The following TMEM39A variants were observed in gnomAD, a reference collection of about 807,000 sequenced individuals.
The protein encoded by TMEM39A is suppressor of SQST-1 aggregates in rpl-43 mutants.
TMEM39A carries 19 observed loss-of-function variants against 51.9 expected under a neutral mutation model. That is an observed-to-expected ratio of 0.37 (90% CI 0.26 to 0.54). The LOEUF (loss-of-function observed/expected upper bound fraction) is 0.54. Among genes scored for constraint, TMEM39A ranks in the 20% least tolerant of loss-of-function variants. The probability of loss-of-function intolerance (pLI) is 0.88; values close to 1 mark genes in which losing one functional copy is unlikely to be tolerated. For missense variants in TMEM39A, 433 were observed against 590.5 expected, an observed-to-expected ratio of 0.73 and a Z score of 2.76; for synonymous variants, 197 against 220.2, an observed-to-expected ratio of 0.89 and a Z score of 0.93.
rs547739348 is a variant in TMEM39A at position 119,447,624 on chromosome 3, AT to A, written c.421-453del. Among the ~76,000 whole-genome samples, 909 of 148,510 alleles carry A rather than the reference AT, an allele frequency of 6.1e-3. 8 individuals are homozygous for A. The highest frequency in any genetic ancestry group is 0.021 in the African/African-American group (858 of 40,594). ...TGTTTTATTTATTTATTTATTTTTA[AT>A]TTTTTTTTTTCGAGACAAAGTCTCG... On this transcript the variant is annotated intron_variant, in intron 4 of 8. Transcript: ENST00000319172.
At chr3:119,445,555 G>A (rs2081113537) in intron 5 of TMEM39A, among the ~76,000 whole-genome samples, 1 of 152,192 alleles carries the variant, frequency 6.6e-6, no homozygotes, top group African/African-American at 2.4e-5. Flanking sequence ...TTGAGCCACC[G>A]CGCCCGGCGG....
rs570307709 is a variant in TMEM39A at position 119,459,252 on chromosome 3, C to CA, written c.114-1013dup. On this transcript the variant is annotated intron_variant, in intron 2 of 8. Transcript: ENST00000319172. ...GCTCACTGTGCCTAAACTGTTTATACAAACAATGTGGTTTATGCTGAACAC... is the reference window on the plus strand; with the variant it reads ...GCTCACTGTGCCTAAACTGTTTATACAAAACAATGTGGTTTATGCTGAACAC... Among the ~76,000 whole-genome samples, 7 of 152,308 alleles carry CA rather than the reference C, an allele frequency of 4.6e-5. No individual in the cohort carries two copies. The East Asian group carries it at 9.6e-4, about 21-fold the overall frequency.
chr3:119,448,711 C>G (rs903084397), intron 4 of TMEM39A, among the ~76,000 whole-genome samples: 15 of 152,152 alleles, frequency 9.9e-5, no homozygotes, highest in Admixed American at 9.8e-4. Flanking sequence ...CATATCAAAG[C>G]TTAGTAAAGT....
At position 119,429,834 on chromosome 3, in the gene TMEM39A, G is replaced by A. The variant is rs919154243; in HGVS notation, c.*2147C>T. ...ACTTATTTAGCCAAGCCAGCATCTGGTTCTGTGCTATTCCCTTAGGATAGG... is the reference window on the plus strand; with the variant it reads ...ACTTATTTAGCCAAGCCAGCATCTGATTCTGTGCTATTCCCTTAGGATAGG... On this transcript the variant is annotated 3_prime_UTR_variant, in exon 9 of 9. Coordinates refer to ENST00000319172, the MANE Select transcript of TMEM39A (RefSeq NM_018266.3). The A allele has an allele frequency of 1.6e-4, 24 of 152,142 alleles. No homozygotes were observed. The highest frequency in any genetic ancestry group is 2.1e-4 in the South Asian group (1 of 4,814). 9.4% of individuals were successfully genotyped at this position (152,142 alleles called of 1,614,324 possible).
At position 119,459,201 on chromosome 3, in the gene TMEM39A, T is replaced by A. The variant is rs907452541; in HGVS notation, c.114-961A>T. ...TAGTAAACAGTTCCCTACAGTGATA[T>A]AAACTTTCCCTAAATAACTAGAGTG... On this transcript the variant is annotated intron_variant, in intron 2 of 8. Transcript: ENST00000319172. Among the ~76,000 whole-genome samples, 3 of 152,364 alleles carry A rather than the reference T, an allele frequency of 2.0e-5. 1 individual carries two copies. Among genetic ancestry groups the A allele is most frequent in the South Asian group, 4.1e-4 (2 of 4,832 alleles).
rs1374882738 is a variant in TMEM39A, at chr3:119,430,852, C to T, written c.*1129G>A. The stretch of plus-strand genomic sequence containing the variant: ...GCTTCACAGTGTAACAAACCAAACT[C>T]AGCACAGAAAACATATGACAATATA... On this transcript the variant is annotated 3_prime_UTR_variant, in exon 9 of 9. Coordinates refer to ENST00000319172, the MANE Select transcript of TMEM39A (RefSeq NM_018266.3). The T allele has an allele frequency of 6.6e-6, 1 of 152,074 alleles. No individual in the cohort carries two copies. The highest frequency in any genetic ancestry group is 1.9e-4 in the East Asian group (1 of 5,202). 9.4% of individuals were successfully genotyped at this position (152,074 alleles called of 1,614,324 possible).
intron 5 of TMEM39A, among the ~76,000 whole-genome samples, chr3:119,439,806 CACCCAGACTGG>C (rs1255047765): frequency 6.6e-6 from 1 of 151,646 alleles, no homozygotes; most frequent in East Asian, 1.9e-4. Flanking sequence ...CTTACTCTGT[CACCCAGACTGG>C]AGTACAGTAG....
intron 7 of TMEM39A, 39 bp from the exon 8 acceptor site, chr3:119,434,921 T>C: frequency 6.2e-7 from 1 of 1,602,534 alleles, no homozygotes. Context: ...ATATTGGCAA[T>C]TACAGATAAG....
intron 4 of TMEM39A, chr3:119,451,205 C>T: frequency 7.9e-7 from 1 of 1,259,130 alleles, no homozygotes; most frequent in Non-Finnish European, 1.0e-6. Flanking sequence ...AGGAATCCTA[C>T]TACCTGTGCT....
chr3:119,450,647 C>G (rs1202651412), intron 4 of TMEM39A, among the ~76,000 whole-genome samples: 2 of 151,812 alleles, frequency 1.3e-5, no homozygotes, highest in Non-Finnish European at 2.9e-5. Flanking sequence ...CATAGTGAAA[C>G]CCTGTCTCTA....
chr3:119,458,034 G>A lies in TMEM39A; in HGVS notation c.320C>T (p.Ala107Val). Residue 107 changes from alanine (A) to valine (V), a missense_variant, in exon 3 of 9, where the codon GCT (alanine) becomes GTT (valine). Transcript: ENST00000319172. The part of the protein sequence containing the change: ...TVWWYPYNHP[A>V]SCTSLNFHLI... ...AAGACTTACCAGTGATGTACAAGAA[G>A]CAGGATGATTGTAAGGATACCACCA... 2 of 1,613,494 alleles carry A rather than the reference G, an allele frequency of 1.2e-6. No homozygotes were observed. The highest frequency in any genetic ancestry group is 1.7e-6 in the Non-Finnish European group (2 of 1,179,454).
chr3:119,448,811 A>C (rs1196732680), intron 4 of TMEM39A, among the ~76,000 whole-genome samples: 2 of 152,222 alleles, frequency 1.3e-5, no homozygotes, highest in Admixed American at 1.3e-4. Context: ...ATGTCATCAG[A>C]GCACAGAGCT....
intron 4 of TMEM39A, among the ~76,000 whole-genome samples, chr3:119,448,798 C>G (rs2081161070): frequency 6.6e-6 from 1 of 152,112 alleles, no homozygotes. Flanking sequence ...CTATTTCTGC[C>G]CAATGTCATC....
At chr3:119,443,098 A>G (rs1221111410) in intron 5 of TMEM39A, among the ~76,000 whole-genome samples, 3 of 151,582 alleles carry the variant, frequency 2.0e-5, no homozygotes, top group Non-Finnish European at 4.4e-5. Context: ...GTGAAGCCTG[A>G]AGATGTGGCT....
intron 3 of TMEM39A, among the ~76,000 whole-genome samples, chr3:119,455,878 T>C (rs561210005): frequency 1.3e-5 from 2 of 152,286 alleles, no homozygotes; most frequent in African/African-American, 2.4e-5. Flanking sequence ...AGAATAAATA[T>C]AGGACTAAAA....
At chr3:119,457,259 C>T (rs1201372187) in intron 3 of TMEM39A, among the ~76,000 whole-genome samples, 3 of 152,140 alleles carry the variant, frequency 2.0e-5, no homozygotes, top group Admixed American at 6.5e-5. Context: ...CGTGAGCCAC[C>T]GCGCCCGGCC....
At chr3:119,444,969 A>G (rs1389384149) in intron 5 of TMEM39A, among the ~76,000 whole-genome samples, 2 of 152,138 alleles carry the variant, frequency 1.3e-5, no homozygotes, top group African/African-American at 4.8e-5. Context: ...AGTCCCAACT[A>G]CTTGGGAGGC....
At chr3:119,435,420 C>T (rs144709482) in intron 7 of TMEM39A, 9 of 981,570 alleles carry the variant, frequency 9.2e-6, no homozygotes, top group East Asian at 2.3e-4. Context: ...TAGAACACAG[C>T]GATACATCTC....
intron 2 of TMEM39A, among the ~76,000 whole-genome samples, chr3:119,460,662 T>C (rs1215105557): frequency 6.6e-6 from 1 of 152,054 alleles, no homozygotes; most frequent in Non-Finnish European, 1.5e-5. Flanking sequence ...CATTTTTATC[T>C]AGAGAACATA....
Sources: allele counts gnomAD v4.1 joint callset (sites outside exome capture counted in the v4.1 genomes callset), GRCh38; gene constraint gnomAD v4.1.1; transcripts MANE v1.5; gene names NCBI Gene and HGNC (gene_info 2026-07-23, HGNC 2026-07-21).